The following RBMS3 variants were observed in gnomAD, a reference collection of about 807,000 sequenced individuals.
The protein encoded by RBMS3 is RNA-binding motif, single-stranded-interacting protein 3.
Under a neutral mutation model 66.8 loss-of-function variants are expected in RBMS3, and 27 were observed. The observed-to-expected ratio is 0.40, with a 90% confidence interval of 0.30 to 0.56. RBMS3 has a LOEUF of 0.56. Ranked by LOEUF, RBMS3 falls within the 20% of genes least tolerant of loss-of-function variation. The pLI is 0.40. For synonymous variants in RBMS3, 188 were observed against 183.0 expected (o/e 1.03, Z -0.22); for missense variants, 513 against 549.5 (o/e 0.93, Z 0.66).
chr3:29,311,389 G>A (rs533541929), intron 1 of RBMS3, among the ~76,000 whole-genome samples: 3 of 151,808 alleles, frequency 2.0e-5, no homozygotes, highest in South Asian at 4.1e-4. Flanking sequence ...AGGAGAGAAA[G>A]ACATAGGTAG....
chr3:30,000,924 A>G (rs1038603230), intron 14 of RBMS3, among the ~76,000 whole-genome samples: 1 of 152,012 alleles, frequency 6.6e-6, no homozygotes, highest in African/African-American at 2.4e-5. Context: ...TATTAGGATA[A>G]ATACCTAATG....
chr3:29,381,202 A>T (rs4337609), intron 1 of RBMS3, among the ~76,000 whole-genome samples: 56,605 of 151,988 alleles, frequency 0.37, 10,931 homozygotes, highest in East Asian at 0.62. Flanking sequence ...CAAGTAGTAG[A>T]TTGGGTTCCA....
intron 3 of RBMS3, among the ~76,000 whole-genome samples, chr3:29,556,769 G>T (rs1185109391): frequency 6.6e-6 from 1 of 152,072 alleles, no homozygotes; most frequent in Admixed American, 6.5e-5. Flanking sequence ...TCTTCCTAGG[G>T]CAGTTCTTAG....
chr3:29,532,595 G>T (rs2148995879), intron 3 of RBMS3, among the ~76,000 whole-genome samples: 1 of 152,212 alleles, frequency 6.6e-6, no homozygotes, highest in Middle Eastern at 3.4e-3. Context: ...GCCAGGCATG[G>T]TGGTGTGTGC....
intron 3 of RBMS3, among the ~76,000 whole-genome samples, chr3:29,540,858 A>T (rs1245449136): frequency 6.6e-6 from 1 of 152,220 alleles, no homozygotes; most frequent in Non-Finnish European, 1.5e-5. Flanking sequence ...AGCAGTGGTG[A>T]TGCAGCTTTG....
chr3:29,541,492 T>C (rs2045756111), intron 3 of RBMS3, among the ~76,000 whole-genome samples: 1 of 152,088 alleles, frequency 6.6e-6, no homozygotes. Flanking sequence ...CCACTGGTCT[T>C]AATTTCAAAA....
intron 4 of RBMS3, among the ~76,000 whole-genome samples, chr3:29,670,948 C>G (rs2050973460): frequency 6.6e-6 from 1 of 152,194 alleles, no homozygotes; most frequent in African/African-American, 2.4e-5. Flanking sequence ...GACAGACTGC[C>G]TCCTCAAGTG....
intron 3 of RBMS3, among the ~76,000 whole-genome samples, chr3:29,494,433 T>C (rs1290122463): frequency 6.6e-6 from 1 of 152,132 alleles, no homozygotes; most frequent in African/African-American, 2.4e-5. Context: ...CCGTATAATA[T>C]GACAACATAC....
chr3:29,556,004 C>A (rs1342006044), intron 3 of RBMS3, among the ~76,000 whole-genome samples: 4 of 152,046 alleles, frequency 2.6e-5, no homozygotes, highest in Non-Finnish European at 5.9e-5. Flanking sequence ...TGAAATATAT[C>A]ATTTGGGAAA....
chr3:29,353,334 A>G (rs906743108), intron 1 of RBMS3, among the ~76,000 whole-genome samples: 6 of 152,050 alleles, frequency 3.9e-5, no homozygotes, highest in Admixed American at 1.3e-4. Context: ...GTGTATTGGT[A>G]CAAATAAACC....
chr3:29,411,024 C>A (rs1295122476), intron 1 of RBMS3, among the ~76,000 whole-genome samples: 4 of 149,888 alleles, frequency 2.7e-5, no homozygotes, highest in Non-Finnish European at 5.9e-5. Flanking sequence ...GGAAATTCAA[C>A]CACTTTTTTC....
chr3:29,799,130 T>A (rs970548319), intron 6 of RBMS3, among the ~76,000 whole-genome samples: 19 of 152,130 alleles, frequency 1.2e-4, no homozygotes, highest in Non-Finnish European at 2.4e-4. Flanking sequence ...CTCTCAGTCA[T>A]CCATAAATGG....
intron 6 of RBMS3, among the ~76,000 whole-genome samples, chr3:29,837,674 ATATATATATATAT>A (rs1169014689): frequency 1.7e-5 from 1 of 57,616 alleles, no homozygotes; most frequent in Admixed American, 1.6e-4. Flanking sequence ...ATATATATAT[ATATATATATATAT>A]ATATATATAT....
intron 11 of RBMS3, among the ~76,000 whole-genome samples, chr3:29,940,758 C>CAA (rs34538761): frequency 3.7e-4 from 54 of 146,004 alleles, no homozygotes; most frequent in African/African-American, 1.3e-3. Context: ...CTGCAGGCCT[C>CAA]AAAAAAAAAA....
chr3:29,899,626 C>T, intron 9 of RBMS3, 79 bp from the exon 10 acceptor site: 1 of 1,278,946 alleles, frequency 7.8e-7, no homozygotes, highest in Non-Finnish European at 1.1e-6. Flanking sequence ...TTCTTATGAC[C>T]TAGTGTGACT....
chr3:29,519,246 C>T (rs572166061), intron 3 of RBMS3, among the ~76,000 whole-genome samples: 2 of 152,138 alleles, frequency 1.3e-5, no homozygotes, highest in South Asian at 4.1e-4. Context: ...AGAAGAAAGC[C>T]ATCTGTAGAA....
At chr3:29,385,362 T>C (rs896188388) in intron 1 of RBMS3, among the ~76,000 whole-genome samples, 3 of 152,110 alleles carry the variant, frequency 2.0e-5, no homozygotes, top group Non-Finnish European at 2.9e-5. Flanking sequence ...ATCCCTTCCC[T>C]TGGGCCCTCT....
intron 4 of RBMS3, among the ~76,000 whole-genome samples, chr3:29,715,792 C>A (rs981807392): frequency 6.6e-6 from 1 of 152,108 alleles, no homozygotes; most frequent in African/African-American, 2.4e-5. Context: ...CCTGCTGAGA[C>A]ATTGTAAGTG....
At chr3:29,900,301 T>G (rs183384998) in intron 10 of RBMS3, among the ~76,000 whole-genome samples, 1 of 151,776 alleles carries the variant, frequency 6.6e-6, no homozygotes, top group Non-Finnish European at 1.5e-5. Context: ...TATAGATAGA[T>G]GGCAAGGTGT....
Sources: gnomAD v4.1 joint callset for allele counts (sites outside exome capture counted in the v4.1 genomes callset) on GRCh38, gnomAD v4.1.1 for gene constraint, MANE v1.5 for transcripts, NCBI Gene and HGNC (gene_info 2026-07-23, HGNC 2026-07-21) for gene names.